The following FOXJ3 variants were observed in gnomAD, a reference collection of about 807,000 sequenced individuals.
FOXJ3 encodes the protein forkhead box protein J3.
A neutral mutation model predicts 76.1 loss-of-function variants in FOXJ3; 22 were observed. The ratio of observed to expected loss-of-function variants is 0.29; its 90% CI spans 0.21 to 0.41. The LOEUF is 0.41. Ranked by LOEUF, FOXJ3 falls within the 10% of genes least tolerant of loss-of-function variation. The pLI is 1.00. For missense variants in FOXJ3, 613 were observed against 762.1 expected (o/e 0.80, Z 2.30); for synonymous variants, 269 against 261.2 (o/e 1.03, Z -0.29).
chr1:42,312,240 T>A (rs1223304130), intron 1 of FOXJ3, among the ~76,000 whole-genome samples: 3 of 152,162 alleles, frequency 2.0e-5, no homozygotes, highest in Non-Finnish European at 4.4e-5. Context: ...TTTAAAAAAA[T>A]ACAGATGGGG....
At position 42,178,116 on chromosome 1, in the gene FOXJ3, C is replaced by G. The variant is rs1393788558; in HGVS notation, c.*1594G>C. The G allele has an allele frequency of 6.6e-6, 1 of 152,398 alleles. No individual in the cohort carries two copies. Among genetic ancestry groups the G allele is most frequent in the African/African-American group, 2.4e-5 (1 of 41,358 alleles). The allele number at this position is 152,398 out of a possible 1,614,324, so 9.4% of individuals were successfully genotyped here. A position where few individuals can be genotyped will look rare whatever the true frequency, so the allele number is the denominator to read the frequency against. On this transcript the variant is annotated 3_prime_UTR_variant, in exon 13 of 13. Transcript: ENST00000361346. ...GATATGAAACAAAACAAACCACCAC[C>G]ACTAAAAAACCCGTAAGAGGGGCTG...
At chr1:42,220,122 CCCAT>C (rs1041815625) in intron 5 of FOXJ3, among the ~76,000 whole-genome samples, 11 of 152,300 alleles carry the variant, frequency 7.2e-5, no homozygotes, top group African/African-American at 2.4e-4. Flanking sequence ...GAAATCACTA[CCCAT>C]ATGCAATAGT....
intron 4 of FOXJ3, among the ~76,000 whole-genome samples, chr1:42,228,836 T>C (rs1280565890): frequency 6.6e-6 from 1 of 152,078 alleles, no homozygotes; most frequent in Non-Finnish European, 1.5e-5. Context: ...GAGGAAGATA[T>C]GCATTTCAGA....
At chr1:42,284,220 A>T (rs1652908339) in intron 2 of FOXJ3, among the ~76,000 whole-genome samples, 1 of 152,112 alleles carries the variant, frequency 6.6e-6, no homozygotes, top group African/African-American at 2.4e-5. Flanking sequence ...AAACTAGCAC[A>T]CTCTCTTAAA....
intron 6 of FOXJ3, among the ~76,000 whole-genome samples, chr1:42,200,686 G>C (rs910893681): frequency 2.0e-5 from 3 of 152,018 alleles, no homozygotes; most frequent in African/African-American, 7.2e-5. Context: ...CACTATGTTG[G>C]TCATGCTGGT....
rs1163165691 is a variant in FOXJ3, at chr1:42,254,191, G to A, written c.444+10924C>T. ...ACACTCCTCAAAAGAAGACATTTAC[G>A]CAGCCAAAAGACACGTGAAAAAATG... On this transcript the variant is annotated intron_variant, in intron 4 of 12. Transcript: ENST00000361346. 5.3e-5 allele frequency among the ~76,000 whole-genome samples: 8 copies of A among 151,506 alleles called. No homozygotes were observed. The East Asian group carries it at 1.4e-3, about 26-fold the overall frequency.
At chr1:42,205,462 A>T (rs1379856648) in intron 6 of FOXJ3, among the ~76,000 whole-genome samples, 2 of 152,200 alleles carry the variant, frequency 1.3e-5, no homozygotes, top group East Asian at 3.8e-4. Flanking sequence ...TTCTGAAACA[A>T]ATTGACTCAA....
At position 42,303,205 on chromosome 1, in the gene FOXJ3, T is replaced by C. The variant is rs573966309; in HGVS notation, c.44+7845A>G. On this transcript the variant is annotated intron_variant, in intron 2 of 12. Transcript: ENST00000361346. The stretch of plus-strand genomic sequence containing the variant: ...CATGGGCACTGGATAAGGACCTATG[T>C]ATGAATCCCAGCTCTATCCCTAATT... Among the ~76,000 whole-genome samples, 9 of 152,368 alleles carry C rather than the reference T, an allele frequency of 5.9e-5. 2 individuals are homozygous for C. In the South Asian group the frequency reaches 1.9e-3, roughly 32 times the overall value.
At chr1:42,321,420 T>C (rs934201088) in intron 1 of FOXJ3, among the ~76,000 whole-genome samples, 2 of 152,128 alleles carry the variant, frequency 1.3e-5, no homozygotes, top group African/African-American at 2.4e-5. Context: ...CTGATTCAGT[T>C]AGACCACTGA....
intron 5 of FOXJ3, among the ~76,000 whole-genome samples, chr1:42,217,464 G>A (rs1647093763): frequency 6.6e-6 from 1 of 152,102 alleles, no homozygotes; most frequent in African/African-American, 2.4e-5. Flanking sequence ...GGGAGGCAGA[G>A]GTTGCAGTGA....
At chr1:42,308,810 C>T (rs1453940257) in intron 2 of FOXJ3, among the ~76,000 whole-genome samples, 3 of 152,018 alleles carry the variant, frequency 2.0e-5, no homozygotes, top group South Asian at 2.1e-4. Context: ...AAGTTACACA[C>T]ATATTATTCC....
intron 6 of FOXJ3, among the ~76,000 whole-genome samples, chr1:42,202,897 G>A (rs530354268): frequency 6.6e-6 from 1 of 152,268 alleles, no homozygotes; most frequent in South Asian, 2.1e-4. Context: ...CATATTCTAT[G>A]AGTTACAGAA....
chr1:42,205,153 T>C (rs571308421), intron 6 of FOXJ3, among the ~76,000 whole-genome samples: 21 of 152,162 alleles, frequency 1.4e-4, no homozygotes, highest in Non-Finnish European at 2.5e-4. Context: ...AGAGTCTTTT[T>C]AGGGTTTTGA....
intron 1 of FOXJ3, among the ~76,000 whole-genome samples, chr1:42,333,366 T>A (rs1210050850): frequency 6.6e-6 from 1 of 151,710 alleles, no homozygotes; most frequent in Admixed American, 6.6e-5. Context: ...TTACCCAAAC[T>A]AATGAACAAA....
chr1:42,291,695 G>A (rs1309432247), intron 2 of FOXJ3, among the ~76,000 whole-genome samples: 6 of 151,976 alleles, frequency 3.9e-5, no homozygotes, highest in African/African-American at 1.2e-4. Context: ...CAGGAAGATC[G>A]CCGGAGCCCA....
chr1:42,189,592 C>T, intron 9 of FOXJ3, 188 bp from the exon 10 acceptor site: 4 of 470,474 alleles, frequency 8.5e-6, no homozygotes, highest in Non-Finnish European at 1.5e-5. Context: ...TATTATTTCT[C>T]TCCATTTTAC....
chr1:42,227,736 A>G lies in FOXJ3; in HGVS notation c.528+147T>C, dbSNP rs146008207. ...TTAAGATCAAATAAAATGAGTCTGA[A>G]AAGTGTTCTGAAAAATGTAAAATGC... is the stretch of plus-strand genomic sequence containing the variant. On this transcript the variant is annotated intron_variant, in intron 5 of 12. Transcript: ENST00000361346. 4.3e-4 allele frequency: 185 copies of G among 431,326 alleles called. No homozygotes were observed. In the East Asian group the frequency reaches 6.1e-3, roughly 14 times the overall value. 26.7% of individuals were successfully genotyped at this position (431,326 alleles called of 1,614,324 possible). A position where few individuals can be genotyped will look rare whatever the true frequency, so the allele number is the denominator to read the frequency against.
intron 1 of FOXJ3, among the ~76,000 whole-genome samples, chr1:42,334,717 G>C (rs928569586): frequency 6.6e-6 from 1 of 152,026 alleles, no homozygotes; most frequent in Non-Finnish European, 1.5e-5. Context: ...GAAGGAGACG[G>C]TCGCTGCCCT....
At chr1:42,280,660 A>T (rs1652642398) in intron 2 of FOXJ3, among the ~76,000 whole-genome samples, 1 of 152,116 alleles carries the variant, frequency 6.6e-6, no homozygotes, top group Non-Finnish European at 1.5e-5. Flanking sequence ...AATTTCACAC[A>T]GGTAGTTAGC....
Sources: gnomAD v4.1 joint callset for allele counts (sites outside exome capture counted in the v4.1 genomes callset) on GRCh38, gnomAD v4.1.1 for gene constraint, MANE v1.5 for transcripts, NCBI Gene and HGNC (gene_info 2026-07-23, HGNC 2026-07-21) for gene names.